MFHAS1: variants seen among roughly 807,000 people sequenced by gnomAD.
MFHAS1 encodes malignant fibrous histiocytoma-amplified sequence 1.
Under a neutral mutation model 70.4 loss-of-function variants are expected in MFHAS1, and 50 were observed. That is an observed-to-expected ratio of 0.71 (90% confidence interval 0.57 to 0.90). The LOEUF (loss-of-function observed/expected upper bound fraction) is 0.90. Ranked by LOEUF, MFHAS1 falls within the 40% of genes least tolerant of loss-of-function variation. The probability of loss-of-function intolerance (pLI) is 0.00; values close to 1 mark genes in which losing one functional copy is unlikely to be tolerated. For missense variants in MFHAS1, 1,795 were observed against 1,347.6 expected, an observed-to-expected ratio of 1.33 and a Z score of -5.20; for synonymous variants, 952 against 620.0, an observed-to-expected ratio of 1.54 and a Z score of -7.96.
chr8:8,801,014 G>A (rs1026698580), intron 1 of MFHAS1, among the ~76,000 whole-genome samples: 2 of 152,070 alleles, frequency 1.3e-5, no homozygotes, highest in Non-Finnish European at 2.9e-5. Context: ...CGGACATCGA[G>A]ACTATCCTGG....
intron 1 of MFHAS1, among the ~76,000 whole-genome samples, chr8:8,811,992 C>T (rs1806566080): frequency 6.6e-6 from 1 of 152,158 alleles, no homozygotes; most frequent in South Asian, 2.1e-4. Context: ...AACAAAAAAC[C>T]CCAAAACCAG....
intron 1 of MFHAS1, among the ~76,000 whole-genome samples, chr8:8,836,797 A>G (rs1258382442): frequency 6.6e-6 from 1 of 152,208 alleles, no homozygotes; most frequent in African/African-American, 2.4e-5. Context: ...CTTTCTGCAC[A>G]CAGGGGTCTA....
intron 1 of MFHAS1, among the ~76,000 whole-genome samples, chr8:8,811,542 T>C (rs1213847838): frequency 6.6e-6 from 1 of 152,200 alleles, no homozygotes; most frequent in East Asian, 1.9e-4. Flanking sequence ...CCTCCTAAAG[T>C]GCTGGGATTA....
intron 1 of MFHAS1, among the ~76,000 whole-genome samples, chr8:8,880,515 C>T (rs967567341): frequency 1.3e-5 from 2 of 152,280 alleles, no homozygotes; most frequent in Non-Finnish European, 2.9e-5. Context: ...GAATGGCACA[C>T]GCACAACAGA....
intron 1 of MFHAS1, among the ~76,000 whole-genome samples, chr8:8,831,048 G>C (rs926818435): frequency 6.6e-6 from 1 of 152,024 alleles, no homozygotes; most frequent in African/African-American, 2.4e-5. Flanking sequence ...TCCAAGATCA[G>C]GGTGCCTGCA....
Position 8,786,007 on chromosome 8 carries a change from C to A in MFHAS1, c.*15G>T. On this transcript the variant is annotated 3_prime_UTR_variant, in exon 3 of 3. Transcript: ENST00000276282. ...ATGCTCTCTTTTCTCCATGGAAATTCCACAGCCACAAACGTCACTGGTTTC... is the reference window on the plus strand; with the variant it reads ...ATGCTCTCTTTTCTCCATGGAAATTACACAGCCACAAACGTCACTGGTTTC... 1 of 1,614,024 alleles carries A rather than the reference C, an allele frequency of 6.2e-7. No homozygotes were observed.
intron 2 of MFHAS1, among the ~76,000 whole-genome samples, chr8:8,793,186 A>T (rs1005261224): frequency 6.6e-6 from 1 of 152,052 alleles, no homozygotes; most frequent in Non-Finnish European, 1.5e-5. Context: ...CAAAAAAAAA[A>T]ATATCACTAC....
At chr8:8,786,079 G>A in intron 2 of MFHAS1, 24 bp from the exon 3 acceptor site, 1 of 1,611,066 alleles carries the variant, frequency 6.2e-7, no homozygotes, top group Non-Finnish European at 8.5e-7. Context: ...CAACAAGAAA[G>A]CACAGAGATG....
intron 1 of MFHAS1, among the ~76,000 whole-genome samples, chr8:8,819,969 A>T (rs1259532108): frequency 6.6e-6 from 1 of 152,146 alleles, no homozygotes; most frequent in Non-Finnish European, 1.5e-5. Flanking sequence ...AAGTGTTGGG[A>T]CTGCAGGCAT....
At chr8:8,838,454 TGAAAA>T (rs1807686618) in intron 1 of MFHAS1, among the ~76,000 whole-genome samples, 3 of 152,228 alleles carry the variant, frequency 2.0e-5, no homozygotes, top group Admixed American at 1.3e-4. Context: ...TATTGAAAGA[TGAAAA>T]GAAGCGAAGC....
chr8:8,868,001 T>C (rs1020268128), intron 1 of MFHAS1, among the ~76,000 whole-genome samples: 25 of 152,284 alleles, frequency 1.6e-4, no homozygotes, highest in African/African-American at 5.8e-4. Flanking sequence ...CCCCACTCAG[T>C]TGGAAGAATC....
chr8:8,871,431 T>A (rs576902920), intron 1 of MFHAS1, among the ~76,000 whole-genome samples: 84 of 152,178 alleles, frequency 5.5e-4, no homozygotes, highest in Middle Eastern at 3.4e-3. Flanking sequence ...ATGCCTGTAA[T>A]CCCTGCTACT....
intron 1 of MFHAS1, among the ~76,000 whole-genome samples, chr8:8,888,698 G>C (rs1809867974): frequency 6.6e-6 from 1 of 152,142 alleles, no homozygotes; most frequent in Admixed American, 6.5e-5. Flanking sequence ...GGTTGCCGGG[G>C]TTGGGGGGAA....
rs1810033452 is a variant in MFHAS1, at chr8:8,891,488, C to G, written c.1571G>C (p.Gly524Ala). The stretch of plus-strand genomic sequence containing the variant: ...CACCACCGCGTGGGGCACTCTCGCC[C>G]CGACCCGATGCAAGAAGGAGCCCAC... ...TTVGSFLHRV[G>A]ARVPHAVVCI... Residue 524 changes from glycine to alanine, a missense_variant, in exon 1 of 3, where the codon GGG (glycine) becomes GCG (alanine). Gly to Ala is a moderately conservative substitution (Grantham distance 60). Coordinates refer to ENST00000276282, the MANE Select transcript of MFHAS1 (RefSeq NM_004225.3). The surrounding 1 kb of genome is among the most constrained non-coding windows in gnomAD (Gnocchi z 5.4). 6.2e-7 allele frequency: 1 copy of G among 1,613,048 alleles called. No homozygotes were observed. Among genetic ancestry groups the G allele is most frequent in the Non-Finnish European group, 8.5e-7 (1 of 1,180,014 alleles).
chr8:8,787,947 C>G (rs1805609087), intron 2 of MFHAS1, among the ~76,000 whole-genome samples: 1 of 152,194 alleles, frequency 6.6e-6, no homozygotes, highest in African/African-American at 2.4e-5. Flanking sequence ...AAACAACCAT[C>G]AAAATCACCA....
Position 8,891,534 on chromosome 8 carries a change from G to A in MFHAS1, c.1525C>T (p.Pro509Ser), listed in dbSNP as rs560880992. Reference sequence around the variant, plus strand: ...CCCACGGTGGTAGGAAAGTGGCGAGGCTCATAGGTGGCCAAGTTGACCACC... The same window carrying A: ...CCCACGGTGGTAGGAAAGTGGCGAGACTCATAGGTGGCCAAGTTGACCACC... ...VLVVNLATYE[P>S]RHFPTTVGSF... The change falls in exon 1 of 3, where the codon CCT becomes TCT. Residue 509 changes from proline (P) to serine (S), a missense_variant. Transcript: ENST00000276282. This position sits in a 1 kb window ranked among gnomAD's most constrained non-coding sequence, Gnocchi z 5.4. 35 of 1,613,078 alleles carry A rather than the reference G, an allele frequency of 2.2e-5. No individual in the cohort carries two copies. The Admixed American group carries it at 5.7e-4, about 26-fold the overall frequency.
At chr8:8,801,445 A>G (rs1296607020) in intron 1 of MFHAS1, among the ~76,000 whole-genome samples, 1 of 152,230 alleles carries the variant, frequency 6.6e-6, no homozygotes, top group Non-Finnish European at 1.5e-5. Context: ...CTGAGCAGCA[A>G]GCAGAACAGT....
At chr8:8,879,954 T>G (rs409997) in intron 1 of MFHAS1, among the ~76,000 whole-genome samples, 81,469 of 152,088 alleles carry the variant, frequency 0.54, 23,729 homozygotes, top group South Asian at 0.73. Context: ...AAACTTAAAA[T>G]TTATCTTTAA....
At chr8:8,793,902 C>G (rs1396790796) in intron 2 of MFHAS1, among the ~76,000 whole-genome samples, 2 of 152,160 alleles carry the variant, frequency 1.3e-5, no homozygotes, top group Non-Finnish European at 1.5e-5. Context: ...GAAAGCCTGA[C>G]CTTGGCTGGG....
Sources: allele counts gnomAD v4.1 joint callset (sites outside exome capture counted in the v4.1 genomes callset), GRCh38; gene constraint gnomAD v4.1.1; non-coding constraint Gnocchi (gnomAD v3.1); transcripts MANE v1.5; gene names NCBI Gene and HGNC (gene_info 2026-07-23, HGNC 2026-07-21).